The following FGF14 variants were observed in gnomAD, a reference collection of about 807,000 sequenced individuals.
FGF14 encodes the protein fibroblast growth factor 14, also known as fibroblast growth factor homologous factor 4.
A neutral mutation model predicts 25.5 loss-of-function variants in FGF14; 5 were observed. The ratio of observed to expected loss-of-function variants is 0.20; its 90% CI spans 0.10 to 0.41. The LOEUF (loss-of-function observed/expected upper bound fraction) is 0.41, where lower values mean the gene tolerates loss of function less well. FGF14 is among the 10% of genes least tolerant of loss of function. The pLI is 1.00. For synonymous variants in FGF14, 138 were observed against 118.3 expected (o/e 1.17, Z -1.08); for missense variants, 222 against 320.1 (o/e 0.69, Z 2.34).
chr13:101,765,569 T>G (rs956004599), intron 3 of FGF14, among the ~76,000 whole-genome samples: 2 of 152,180 alleles, frequency 1.3e-5, no homozygotes, highest in African/African-American at 4.8e-5. Context: ...ACCTTCCTAC[T>G]CTTTCCTTTA....
chr13:102,355,167 T>C (rs1311194725), intron 1 of FGF14, among the ~76,000 whole-genome samples: 1 of 152,174 alleles, frequency 6.6e-6, no homozygotes, highest in Non-Finnish European at 1.5e-5. Flanking sequence ...AGTAGCAAAA[T>C]GCAGTAACAA....
intron 1 of FGF14, among the ~76,000 whole-genome samples, chr13:102,041,536 AAAAC>A (rs57863859): frequency 0.32 from 48,279 of 150,468 alleles, 8,605 homozygotes; most frequent in East Asian, 0.72. Flanking sequence ...TTAAAAAAAA[AAAAC>A]AGTGTATGTT....
chr13:101,763,727 A>G (rs2038199745), intron 3 of FGF14, among the ~76,000 whole-genome samples: 1 of 152,032 alleles, frequency 6.6e-6, no homozygotes, highest in South Asian at 2.1e-4. Context: ...AGGTGTGGTG[A>G]TGCACACCCG....
intron 1 of FGF14, among the ~76,000 whole-genome samples, chr13:102,126,905 T>C (rs898621163): frequency 6.6e-6 from 1 of 152,172 alleles, no homozygotes; most frequent in African/African-American, 2.4e-5. Context: ...TCTGTCTGTA[T>C]AAAATACCTA....
intron 3 of FGF14, among the ~76,000 whole-genome samples, chr13:101,822,585 G>A (rs994264983): frequency 2.0e-5 from 3 of 151,630 alleles, no homozygotes; most frequent in African/African-American, 7.3e-5. Context: ...ACAGTATTGA[G>A]TCTTCCAATT....
chr13:101,768,218 A>G (rs887005292), intron 3 of FGF14, among the ~76,000 whole-genome samples: 1 of 152,138 alleles, frequency 6.6e-6, no homozygotes, highest in Admixed American at 6.6e-5. Context: ...ATGTCCACAT[A>G]AAACAGTGGG....
intron 1 of FGF14, among the ~76,000 whole-genome samples, chr13:101,998,560 T>C (rs1363947264): frequency 1.3e-5 from 2 of 152,232 alleles, no homozygotes; most frequent in Non-Finnish European, 2.9e-5. Context: ...TGAAAGATTG[T>C]TGTTTATTAG....
chr13:102,362,814 A>C (rs973624325), intron 1 of FGF14, among the ~76,000 whole-genome samples: 5 of 152,226 alleles, frequency 3.3e-5, no homozygotes, highest in Non-Finnish European at 5.9e-5. Context: ...ATAGAAAAAA[A>C]AATCAAATTT....
intron 1 of FGF14, among the ~76,000 whole-genome samples, chr13:101,885,866 T>G (rs2045965000): frequency 6.6e-6 from 1 of 152,134 alleles, no homozygotes; most frequent in South Asian, 2.1e-4. Context: ...AATACCACAC[T>G]CAGGAACACC....
chr13:102,037,456 A>G (rs1289254314), intron 1 of FGF14, among the ~76,000 whole-genome samples: 1 of 152,060 alleles, frequency 6.6e-6, no homozygotes, highest in Non-Finnish European at 1.5e-5. Flanking sequence ...CCATAAACTC[A>G]TCTCCTTCTT....
Position 101,713,955 on chromosome 13 carries a change from C to A in FGF14, c.*8876G>T, listed in dbSNP as rs536143697. The A allele has an allele frequency of 2.8e-4, 43 of 155,158 alleles. No homozygotes were observed. Among genetic ancestry groups the A allele is most frequent in the Non-Finnish European group, 5.3e-4 (37 of 70,064 alleles). The allele number at this position is 155,158 out of a possible 1,614,324, so 9.6% of individuals were successfully genotyped here. A position where few individuals can be genotyped will look rare whatever the true frequency, so the allele number is the denominator to read the frequency against. On this transcript the variant is annotated 3_prime_UTR_variant, in exon 5 of 5. Coordinates refer to ENST00000376143, the MANE Select transcript of FGF14 (RefSeq NM_004115.4). ...AGCCACCCAATATGCAGGTGTGCTC[C>A]TACTCCAAGAAAATCATGTAAACGA...
intron 1 of FGF14, among the ~76,000 whole-genome samples, chr13:101,952,269 T>C (rs1486974696): frequency 6.6e-6 from 1 of 152,214 alleles, no homozygotes. Flanking sequence ...AATTCAAGGC[T>C]GGCTTGTTTA....
chr13:101,900,361 A>G (rs1388500950), intron 1 of FGF14, among the ~76,000 whole-genome samples: 2 of 152,144 alleles, frequency 1.3e-5, no homozygotes, highest in Non-Finnish European at 2.9e-5. Flanking sequence ...AAAAATTACA[A>G]TAGGAAAAAT....
At chr13:102,169,381 T>A (rs756408705) in intron 1 of FGF14, among the ~76,000 whole-genome samples, 25 of 152,086 alleles carry the variant, frequency 1.6e-4, no homozygotes, top group Non-Finnish European at 3.2e-4. Context: ...GCAGCCAATT[T>A]CTTTCATGCC....
intron 3 of FGF14, among the ~76,000 whole-genome samples, chr13:101,841,863 C>A (rs1265838229): frequency 6.6e-6 from 1 of 151,872 alleles, no homozygotes; most frequent in African/African-American, 2.4e-5. Flanking sequence ...GCATTCCTCA[C>A]CCCTCCCACC....
At chr13:102,334,827 A>G (rs142296710) in intron 1 of FGF14, among the ~76,000 whole-genome samples, 3 of 152,280 alleles carry the variant, frequency 2.0e-5, no homozygotes, top group African/African-American at 7.2e-5. Flanking sequence ...AGATTTTTCA[A>G]AATAACCCAT....
chr13:102,286,798 C>A (rs190000628), intron 1 of FGF14, among the ~76,000 whole-genome samples: 3 of 152,124 alleles, frequency 2.0e-5, no homozygotes, highest in African/African-American at 7.2e-5. Flanking sequence ...GTGTCAAAGG[C>A]ACTTTGTATA....
rs150254565 is a variant in FGF14 at position 102,313,283 on chromosome 13, C to T, written c.208+88188G>A. Among the ~76,000 whole-genome samples the T allele has an allele frequency of 9.7e-4, 147 of 152,244 alleles. 1 individual carries two copies. Among genetic ancestry groups the T allele is most frequent in the African/African-American group, 3.2e-3 (131 of 41,550 alleles). On this transcript the variant is annotated intron_variant, in intron 1 of 4. Coordinates refer to the FGF14 transcript ENST00000376131. ...AGCACTCACACACAGGGAAAGCAGCCGTGGAAATAGCTCAATTACAATTAT... is the reference window on the plus strand; with the variant it reads ...AGCACTCACACACAGGGAAAGCAGCTGTGGAAATAGCTCAATTACAATTAT...
intron 3 of FGF14, among the ~76,000 whole-genome samples, chr13:101,813,296 T>C (rs938411949): frequency 7.2e-5 from 11 of 152,122 alleles, no homozygotes; most frequent in Non-Finnish European, 1.2e-4. Flanking sequence ...ATGACCAATG[T>C]GATAGTTTTA....
Sources: gnomAD v4.1 joint callset for allele counts (sites outside exome capture counted in the v4.1 genomes callset) on GRCh38, gnomAD v4.1.1 for gene constraint, MANE v1.5 for transcripts, NCBI Gene and HGNC (gene_info 2026-07-23, HGNC 2026-07-21) for gene names.